The following PRIM2 variants were observed in gnomAD, a reference collection of about 807,000 sequenced individuals.
PRIM2 encodes DNA primase subunit 2, also known as DNA primase large subunit.
PRIM2 carries 39 observed loss-of-function variants against 67.3 expected under a neutral mutation model. That is an observed-to-expected ratio of 0.58 (90% CI 0.45 to 0.76). The LOEUF (loss-of-function observed/expected upper bound fraction) is 0.76, where lower values mean the gene tolerates loss of function less well. Ranked by LOEUF, PRIM2 falls within the 30% of genes least tolerant of loss-of-function variation. The probability of loss-of-function intolerance (pLI) is 0.00; values close to 1 mark genes in which losing one functional copy is unlikely to be tolerated. For missense variants in PRIM2, 398 were observed against 598.7 expected, an observed-to-expected ratio of 0.66 and a Z score of 3.50; for synonymous variants, 143 against 198.7, an observed-to-expected ratio of 0.72 and a Z score of 2.36.
intron 5 of PRIM2, among the ~76,000 whole-genome samples, chr6:57,345,610 G>A (rs1768650542): frequency 1.3e-5 from 2 of 152,050 alleles, no homozygotes. Flanking sequence ...ATTATGGAAT[G>A]TAGTTTCCAG....
rs1161142850 is a variant in PRIM2 at position 57,511,083 on chromosome 6, A to G, written c.761+3629A>G. ...AAAACTAATTTGGGAGATAATACAA[A>G]TACCTGTAAAAATTGAAGTAGCAAT... On this transcript the variant is annotated intron_variant, in intron 8 of 13. Coordinates refer to ENST00000615550, the MANE Select transcript of PRIM2 (RefSeq NM_000947.5). 1.3e-3 allele frequency among the ~76,000 whole-genome samples: 192 copies of G among 152,330 alleles called. 5 individuals are homozygous for G. The East Asian group carries it at 0.016, about 13-fold the overall frequency.
the PRIM2 span, among the ~76,000 whole-genome samples, chr6:57,260,686 G>T: frequency 6.6e-6 from 1 of 152,180 alleles, no homozygotes; most frequent in Non-Finnish European, 1.5e-5. Context: ...GTGCATGGTT[G>T]TTGGAAATGG....
intron 7 of PRIM2, among the ~76,000 whole-genome samples, chr6:57,456,259 G>C (rs1201687073): frequency 1.3e-5 from 2 of 152,212 alleles, no homozygotes; most frequent in East Asian, 3.9e-4. Context: ...TGACAATTAT[G>C]TGTCTTGGAG....
At chr6:57,579,133 C>A (rs1431758655) in intron 10 of PRIM2, among the ~76,000 whole-genome samples, 2 of 149,824 alleles carry the variant, frequency 1.3e-5, no homozygotes, top group Non-Finnish European at 3.0e-5. Flanking sequence ...AGCTAACATA[C>A]GTTTTTTCTA....
At chr6:57,291,787 A>C in the PRIM2 span, among the ~76,000 whole-genome samples, 1 of 152,204 alleles carries the variant, frequency 6.6e-6, no homozygotes, top group Non-Finnish European at 1.5e-5. Context: ...CCTTCGATAA[A>C]ATTCAACAGC....
intron 10 of PRIM2, among the ~76,000 whole-genome samples, chr6:57,593,066 G>A (rs1480093962): frequency 5.9e-5 from 9 of 152,198 alleles, no homozygotes; most frequent in African/African-American, 2.2e-4. Context: ...TTTTTCTTGA[G>A]TTCATCATTT....
rs1456853177 is a variant in PRIM2 at position 57,469,251 on chromosome 6, C to T, written c.694-38136C>T. On this transcript the variant is annotated intron_variant, in intron 7 of 13. Transcript: ENST00000615550. ...TATGTTGCTGAGAAGCACAGTGCCTCCTGGCAGATTAGCTTTCAGTCTGTG... is the reference window on the plus strand; with the variant it reads ...TATGTTGCTGAGAAGCACAGTGCCTTCTGGCAGATTAGCTTTCAGTCTGTG... Among the ~76,000 whole-genome samples the T allele has an allele frequency of 1.3e-3, 192 of 152,360 alleles. 5 individuals carry two copies. In the East Asian group the frequency reaches 0.016, roughly 13 times the overall value.
the PRIM2 span, among the ~76,000 whole-genome samples, chr6:57,306,366 G>T: frequency 1.3e-5 from 2 of 152,130 alleles, no homozygotes; most frequent in Non-Finnish European, 2.9e-5. Context: ...CTCCAGGTAG[G>T]ATGAATTCTG....
chr6:57,561,376 C>T (rs1437872826), intron 10 of PRIM2, among the ~76,000 whole-genome samples: 2 of 152,134 alleles, frequency 1.3e-5, no homozygotes, highest in African/African-American at 4.8e-5. Flanking sequence ...GGACTACAGG[C>T]GCACGCCGCC....
the PRIM2 span, among the ~76,000 whole-genome samples, chr6:57,269,478 A>C: frequency 6.6e-6 from 1 of 150,658 alleles, no homozygotes; most frequent in African/African-American, 2.4e-5. Flanking sequence ...TTTTGATGGG[A>C]TTGTTTTTTT....
chr6:57,399,134 GCACCCATTAACT>G (rs1770620929), intron 7 of PRIM2, among the ~76,000 whole-genome samples: 1 of 151,990 alleles, frequency 6.6e-6, no homozygotes, highest in African/African-American at 2.4e-5. Flanking sequence ...TTGGTGTGCT[GCACCCATTAACT>G]CATCATTTAC....
the PRIM2 span, among the ~76,000 whole-genome samples, chr6:57,292,291 G>C: frequency 2.6e-5 from 4 of 152,258 alleles, no homozygotes; most frequent in Admixed American, 6.5e-5. Context: ...ACTTACAAGG[G>C]ATGTGAAGGA....
chr6:57,429,909 T>TC (rs1478533576), intron 7 of PRIM2, among the ~76,000 whole-genome samples: 2 of 152,232 alleles, frequency 1.3e-5, no homozygotes, highest in Non-Finnish European at 2.9e-5. Context: ...AATTTGCAAT[T>TC]CCCCAATGGC....
chr6:57,633,616 C>T (rs1777069395), intron 13 of PRIM2, among the ~76,000 whole-genome samples: 1 of 152,072 alleles, frequency 6.6e-6, no homozygotes, highest in Admixed American at 6.6e-5. Context: ...CAGCAGTCCC[C>T]AACCTTTTTG....
intron 7 of PRIM2, among the ~76,000 whole-genome samples, chr6:57,433,287 G>C: frequency 1.3e-5 from 2 of 151,800 alleles, no homozygotes; most frequent in Non-Finnish European, 2.9e-5. Flanking sequence ...TGTGCACAAT[G>C]TGCAGGTTAG....
intron 12 of PRIM2, among the ~76,000 whole-genome samples, chr6:57,620,062 G>A (rs1301172723): frequency 6.6e-6 from 1 of 152,096 alleles, no homozygotes; most frequent in African/African-American, 2.4e-5. Context: ...TGGGCGTGGT[G>A]ACACACAACT....
At position 57,501,061 on chromosome 6, in the gene PRIM2, A is replaced by G. The variant is rs1338497302; in HGVS notation, c.694-6326A>G. 6.6e-5 allele frequency among the ~76,000 whole-genome samples: 10 copies of G among 152,296 alleles called. No homozygotes were observed. In the South Asian group the frequency reaches 8.3e-4, roughly 13 times the overall value. ...TTTCCTCTTGCTTTTCCTAGGTGCA[A>G]CCAAAATTGCTTCCTACCCCACTTG... On this transcript the variant is annotated intron_variant, in intron 7 of 13. Transcript: ENST00000615550.
chr6:57,458,461 A>T (rs1772883334), intron 7 of PRIM2, among the ~76,000 whole-genome samples: 1 of 152,192 alleles, frequency 6.6e-6, no homozygotes, highest in Admixed American at 6.5e-5. Context: ...AGGTGGGCAG[A>T]TCACCTGAGG....
At chr6:57,369,256 C>T (rs1769466605) in intron 5 of PRIM2, among the ~76,000 whole-genome samples, 1 of 152,236 alleles carries the variant, frequency 6.6e-6, no homozygotes, top group East Asian at 1.9e-4. Flanking sequence ...AGTGAAATTG[C>T]CTCTCTCAGT....
Sources: gnomAD v4.1 joint callset for allele counts (sites outside exome capture counted in the v4.1 genomes callset) on GRCh38, gnomAD v4.1.1 for gene constraint, MANE v1.5 for transcripts, NCBI Gene and HGNC (gene_info 2026-07-23, HGNC 2026-07-21) for gene names.